The following COX6C variants were observed in gnomAD, a reference collection of about 807,000 sequenced individuals.
COX6C encodes the protein cytochrome c oxidase subunit 6C, also known as cytochrome c oxidase polypeptide VIc.
Under a neutral mutation model 6.9 loss-of-function variants are expected in COX6C, and 3 were observed. That is an observed-to-expected ratio of 0.43 (90% confidence interval 0.20 to 1.12). COX6C has a LOEUF of 1.12. Among genes scored for constraint, COX6C ranks in the 50% most tolerant of loss-of-function variants. The probability of loss-of-function intolerance (pLI) is 0.27; values close to 1 mark genes in which losing one functional copy is unlikely to be tolerated. For synonymous variants in COX6C, 32 were observed against 32.0 expected (o/e 1.00, Z 0.00); for missense variants, 101 against 97.3 (o/e 1.04, Z -0.16).
intron 2 of COX6C, among the ~76,000 whole-genome samples, chr8:99,890,921 TA>T (rs1374530918): frequency 6.6e-6 from 1 of 152,150 alleles, no homozygotes; most frequent in Non-Finnish European, 1.5e-5. Flanking sequence ...TTCAAAATAA[TA>T]AAAAATGCTA....
intron 2 of COX6C, among the ~76,000 whole-genome samples, chr8:99,891,238 T>C (rs1818027758): frequency 6.6e-6 from 1 of 152,166 alleles, no homozygotes; most frequent in Non-Finnish European, 1.5e-5. Context: ...CCTAATCCAA[T>C]ATGAGTGATG....
At chr8:99,881,524 G>A (rs755173726) in intron 3 of COX6C, among the ~76,000 whole-genome samples, 9 of 152,190 alleles carry the variant, frequency 5.9e-5, no homozygotes, top group Middle Eastern at 3.2e-3. Context: ...GGGTGGTGCT[G>A]TAAAGGAGTT....
At chr8:99,889,862 G>C (rs576040551) in intron 2 of COX6C, among the ~76,000 whole-genome samples, 1 of 151,684 alleles carries the variant, frequency 6.6e-6, no homozygotes, top group African/African-American at 2.4e-5. Context: ...AGGCCGAGGC[G>C]GGCGGATCAT....
intron 3 of COX6C, 40 bp downstream of exon 3, chr8:99,887,450 T>C: frequency 7.9e-7 from 1 of 1,265,414 alleles, no homozygotes; most frequent in South Asian, 1.5e-5. Flanking sequence ...TTACCACAAT[T>C]AGAAATTTTT....
At chr8:99,879,346 C>T (rs1173926507) in intron 3 of COX6C, among the ~76,000 whole-genome samples, 2 of 152,098 alleles carry the variant, frequency 1.3e-5, no homozygotes, top group Non-Finnish European at 2.9e-5. Flanking sequence ...ACCTAACAAA[C>T]TATACTGTCC....
intron 1 of COX6C, chr8:99,893,269 C>T (rs1818084636): frequency 6.6e-6 from 1 of 152,374 alleles, no homozygotes; most frequent in Admixed American, 6.5e-5. Flanking sequence ...AACCACCACC[C>T]CTTTTCTCAC....
At chr8:99,884,603 A>G (rs1817917661) in intron 3 of COX6C, among the ~76,000 whole-genome samples, 1 of 152,202 alleles carries the variant, frequency 6.6e-6, no homozygotes, top group Non-Finnish European at 1.5e-5. Context: ...AAGTACGGAA[A>G]GAAATGTGTG....
chr8:99,892,930 G>A (rs1407532252), intron 1 of COX6C: 1 of 152,198 alleles, frequency 6.6e-6, no homozygotes, highest in African/African-American at 2.4e-5. Context: ...ACGGTCACAC[G>A]GTATACCATT....
chr8:99,891,858 C>T, intron 2 of COX6C, 50 bp downstream of exon 2: 2 of 1,558,054 alleles, frequency 1.3e-6, no homozygotes, highest in Non-Finnish European at 1.8e-6. Context: ...ATTTTTCAAC[C>T]AAAAACACAT....
rs1817781469 is a variant in COX6C, at chr8:99,878,230, G to C, written c.*51C>G. 6.6e-6 allele frequency: 1 copy of C among 152,220 alleles called. No homozygotes were observed. The highest frequency in any genetic ancestry group is 1.5e-5 in the Non-Finnish European group (1 of 68,044). The allele number at this position is 152,220 out of a possible 1,614,324, so 9.4% of individuals were successfully genotyped here. ...TGTCATAGTTCAGGAACACAAGTCA[G>C]TGACAAACTTCTAGGTAATTCAACC... On this transcript the variant is annotated 3_prime_UTR_variant, in exon 4 of 4. Transcript: ENST00000520468.
chr8:99,888,823 G>A (rs542529674), intron 2 of COX6C, among the ~76,000 whole-genome samples: 31 of 152,302 alleles, frequency 2.0e-4, no homozygotes, highest in Non-Finnish European at 3.2e-4. Context: ...GATTCTTTTT[G>A]AGTAATGGCC....
chr8:99,880,563 G>A (rs1229425959), intron 3 of COX6C, among the ~76,000 whole-genome samples: 1 of 152,092 alleles, frequency 6.6e-6, no homozygotes, highest in African/African-American at 2.4e-5. Context: ...CTTCAAGACA[G>A]ATCATTTGAA....
At chr8:99,890,575 G>C (rs1440126868) in intron 2 of COX6C, among the ~76,000 whole-genome samples, 1 of 152,106 alleles carries the variant, frequency 6.6e-6, no homozygotes, top group African/African-American at 2.4e-5. Flanking sequence ...CCCAACAACA[G>C]GGTGCCACAG....
intron 3 of COX6C, among the ~76,000 whole-genome samples, chr8:99,884,735 T>C (rs913332334): frequency 6.6e-6 from 1 of 152,200 alleles, no homozygotes; most frequent in African/African-American, 2.4e-5. Flanking sequence ...CTACGTTTTT[T>C]CCTATATATA....
At chr8:99,886,067 A>C (rs1209048852) in intron 3 of COX6C, 1 of 152,220 alleles carries the variant, frequency 6.6e-6, no homozygotes, top group Non-Finnish European at 1.5e-5. Flanking sequence ...ATACCACCTC[A>C]TACCTATTAG....
At chr8:99,883,405 A>G (rs562781020) in intron 3 of COX6C, among the ~76,000 whole-genome samples, 2 of 150,902 alleles carry the variant, frequency 1.3e-5, no homozygotes, top group East Asian at 3.9e-4. Context: ...GTGTGTGTGT[A>G]TATATATGTG....
chr8:99,882,976 C>G (rs755194392), intron 3 of COX6C, among the ~76,000 whole-genome samples: 1 of 151,932 alleles, frequency 6.6e-6, no homozygotes, highest in African/African-American at 2.4e-5. Context: ...TTTGTAGAGA[C>G]GGGGTTTCGC....
Position 99,880,349 on chromosome 8 carries a change from A to G in COX6C, c.*16-2084T>C, listed in dbSNP as rs117298235. 9.6e-4 allele frequency among the ~76,000 whole-genome samples: 147 copies of G among 152,380 alleles called. 2 individuals carry two copies. The highest frequency in any genetic ancestry group is 7.1e-3 in the Admixed American group (108 of 15,310). On this transcript the variant is annotated intron_variant, in intron 3 of 3. Transcript: ENST00000520468. The stretch of plus-strand genomic sequence containing the variant: ...AGAACAACTATCTAAAAAATGCTCA[A>G]TGAGCTAAAGGAGAGTGTGGACAAC...
chr8:99,891,968 ACGCCTGG>A lies in COX6C; in HGVS notation c.47_53del (p.Ala16ValfsTer8). 1 of 1,614,044 alleles carries A rather than the reference ACGCCTGG, an allele frequency of 6.2e-7. No individual in the cohort carries two copies. On this transcript the variant is annotated frameshift_variant, in exon 2 of 4. Coordinates refer to ENST00000520468, the MANE Select transcript of COX6C (RefSeq NM_004374.4). LOFTEE classifies it high-confidence loss of function. Reference sequence around the variant, plus strand: ...ATGCTACAGCCATATGATTTCGCAGACGCCTGGCCAGAAGGCCACGCATCCGAGGTTT... The same window carrying A: ...ATGCTACAGCCATATGATTTCGCAGACCAGAAGGCCACGCATCCGAGGTTT...
Sources: gnomAD v4.1 joint callset for allele counts (sites outside exome capture counted in the v4.1 genomes callset) on GRCh38, gnomAD v4.1.1 for gene constraint, MANE v1.5 for transcripts, NCBI Gene and HGNC (gene_info 2026-07-23, HGNC 2026-07-21) for gene names.